Variants in TENM2 observed in about 807,000 individuals in gnomAD.
TENM2 encodes the protein teneurin-2.
Under a neutral mutation model 245.2 loss-of-function variants are expected in TENM2, and 52 were observed. The observed-to-expected ratio is 0.21, with a 90% CI of 0.17 to 0.27. The LOEUF is 0.27. TENM2 is among the 10% of genes least tolerant of loss of function. The pLI is 1.00. For missense variants in TENM2, 3,046 were observed against 3,666.8 expected (o/e 0.83, Z 4.37); for synonymous variants, 1,363 against 1,438.9 (o/e 0.95, Z 1.19).
At chr5:168,115,667 C>T (rs1795031870) in intron 9 of TENM2, among the ~76,000 whole-genome samples, 1 of 152,114 alleles carries the variant, frequency 6.6e-6, no homozygotes, top group South Asian at 2.1e-4. Flanking sequence ...GTTGTGCAAC[C>T]ATACTTCTCG....
intron 1 of TENM2, among the ~76,000 whole-genome samples, chr5:167,300,639 G>A (rs1581694558): frequency 6.6e-6 from 1 of 152,108 alleles, no homozygotes; most frequent in African/African-American, 2.4e-5. Context: ...TGGGATATTG[G>A]CATGGAGGGG....
chr5:168,213,227 G>C (rs1282734749), intron 20 of TENM2, among the ~76,000 whole-genome samples: 39 of 152,194 alleles, frequency 2.6e-4, no homozygotes, highest in Admixed American at 2.6e-3. Context: ...CTACGCTTTA[G>C]TTATCTGGGC....
chr5:167,900,139 G>T (rs867920889), intron 3 of TENM2, among the ~76,000 whole-genome samples: 6 of 121,104 alleles, frequency 5.0e-5, no homozygotes, highest in Non-Finnish European at 9.9e-5. Context: ...AAAAAGGGGG[G>T]GGGGGTTTTG....
At chr5:167,353,333 T>TGGGGGGGGGGGGGG (rs10635512) in intron 1 of TENM2, among the ~76,000 whole-genome samples, 3 of 135,740 alleles carry the variant, frequency 2.2e-5, no homozygotes, top group Admixed American at 7.7e-5. Context: ...AGGGGGGTGG[T>TGGGGGGGGGGGGGG]GGGGGTGCAG....
intron 2 of TENM2, among the ~76,000 whole-genome samples, chr5:167,819,623 A>G (rs572857050): frequency 6.6e-6 from 1 of 152,334 alleles, no homozygotes; most frequent in South Asian, 2.1e-4. Flanking sequence ...CTCCTCCAAA[A>G]GAGGAAGTTC....
rs35059289 is a variant in TENM2, at chr5:167,336,176, CTTTTTTTTTTTT to C, written c.227-39009_227-38998del. On this transcript the variant is annotated intron_variant, in intron 1 of 28. Transcript: ENST00000518659. Reference sequence around the variant, plus strand: ...TCATCCAATGTTCTTTTCATTTCTCCTTTTTTTTTTTTTTTTTTTTTTTTCCGGTCAGGGTAA... The same window carrying C: ...TCATCCAATGTTCTTTTCATTTCTCCTTTTTTTTTTTTCCGGTCAGGGTAA... Among the ~76,000 whole-genome samples, 31 of 83,114 alleles carry C rather than the reference CTTTTTTTTTTTT, an allele frequency of 3.7e-4. No individual in the cohort carries two copies. In the East Asian group the frequency reaches 8.6e-3, roughly 23 times the overall value. The allele number at this position is 83,114 out of a possible 152,430, so 54.5% of individuals were successfully genotyped here.
chr5:167,546,477 G>T (rs1056442890), intron 2 of TENM2, among the ~76,000 whole-genome samples: 1 of 152,160 alleles, frequency 6.6e-6, no homozygotes, highest in Non-Finnish European at 1.5e-5. Flanking sequence ...ATGGAGTCTG[G>T]TGCCTCAGTG....
chr5:167,406,542 G>T (rs1346832057), intron 2 of TENM2, among the ~76,000 whole-genome samples: 1 of 152,050 alleles, frequency 6.6e-6, no homozygotes, highest in Admixed American at 6.6e-5. Context: ...TAAGACAATT[G>T]CCAACAATAT....
intron 2 of TENM2, among the ~76,000 whole-genome samples, chr5:167,870,094 A>C (rs1772684482): frequency 6.6e-6 from 1 of 152,214 alleles, no homozygotes. Flanking sequence ...TGCAATACTT[A>C]ACTTTAACAC....
At chr5:167,424,917 A>T (rs2127430552) in intron 2 of TENM2, among the ~76,000 whole-genome samples, 1 of 152,338 alleles carries the variant, frequency 6.6e-6, no homozygotes, top group African/African-American at 2.4e-5. Flanking sequence ...AATCTACAGC[A>T]AAAATCATGC....
intron 2 of TENM2, among the ~76,000 whole-genome samples, chr5:167,671,859 C>T (rs1014522659): frequency 4.0e-5 from 6 of 151,544 alleles, no homozygotes; most frequent in African/African-American, 1.5e-4. Context: ...ATACATTCTG[C>T]TTGTAATATG....
chr5:167,084,366 T>TATATATATATATATATACAC, the TENM2 span, among the ~76,000 whole-genome samples: 63 of 114,876 alleles, frequency 5.5e-4, 3 homozygotes, highest in Non-Finnish European at 9.3e-4. Flanking sequence ...TATATATATA[T>TATATATATATATATATACAC]ACAGATCAGA....
intron 9 of TENM2, among the ~76,000 whole-genome samples, chr5:168,115,306 A>G (rs1283720392): frequency 1.5e-5 from 2 of 137,372 alleles, no homozygotes; most frequent in South Asian, 5.2e-4. Flanking sequence ...AAAAGAAAGA[A>G]GGAAGGAAGG....
At chr5:167,269,000 C>CT in the TENM2 span, among the ~76,000 whole-genome samples, 246 of 151,958 alleles carry the variant, frequency 1.6e-3, 1 homozygote, top group African/African-American at 5.3e-3. Flanking sequence ...CTCCTACACT[C>CT]TGAGTATTAT....
exon 19 of TENM2, chr5:168,204,470 T>C: frequency 6.2e-7 from 1 of 1,614,042 alleles, no homozygotes; most frequent in Non-Finnish European, 8.5e-7. Flanking sequence ...GAGCATTTCC[T>C]GTCCCAGCTG....
In TENM2 at chr5:167,650,012, C is replaced by G. The variant is rs374884695; in HGVS notation, c.503-225974C>G. Among the ~76,000 whole-genome samples, 12 of 152,290 alleles carry G rather than the reference C, an allele frequency of 7.9e-5. No homozygotes were observed. The East Asian group carries it at 1.5e-3, about 20-fold the overall frequency. ...TAAAGTGGTTATTGTGGTTGCTTCA[C>G]TCTTCCCACCTCCACTTTGGAAGAT... is the stretch of plus-strand genomic sequence containing the variant. On this transcript the variant is annotated intron_variant, in intron 2 of 28. Coordinates refer to ENST00000518659, the Ensembl canonical transcript of TENM2.
intron 1 of TENM2, among the ~76,000 whole-genome samples, chr5:167,307,762 G>T (rs1755762993): frequency 6.6e-6 from 1 of 152,140 alleles, no homozygotes; most frequent in African/African-American, 2.4e-5. Flanking sequence ...TTTTATTTTA[G>T]CAAGAGTAAA....
At chr5:167,473,584 A>G (rs1268248408) in intron 2 of TENM2, among the ~76,000 whole-genome samples, 2 of 151,888 alleles carry the variant, frequency 1.3e-5, no homozygotes, top group Non-Finnish European at 2.9e-5. Context: ...ATAGTTTTCG[A>G]TCTGCTACTT....
At chr5:167,327,731 G>T (rs1413493562) in intron 1 of TENM2, among the ~76,000 whole-genome samples, 1 of 152,172 alleles carries the variant, frequency 6.6e-6, no homozygotes, top group Non-Finnish European at 1.5e-5. Flanking sequence ...GGATGGAAAA[G>T]AGTTCTAGAA....
Sources: allele counts gnomAD v4.1 joint callset (sites outside exome capture counted in the v4.1 genomes callset), GRCh38; gene constraint gnomAD v4.1.1; transcripts MANE v1.5; gene names NCBI Gene and HGNC (gene_info 2026-07-23, HGNC 2026-07-21).